Variants in RELN observed in about 807,000 individuals in gnomAD.
RELN encodes the protein reelin.
A neutral mutation model predicts 427.6 loss-of-function variants in RELN; 108 were observed. The observed-to-expected ratio is 0.25, with a 90% CI of 0.22 to 0.30. The LOEUF (loss-of-function observed/expected upper bound fraction) is 0.30. RELN is among the 10% of genes least tolerant of loss of function. RELN has a pLI of 1.00. For missense variants in RELN, 3,715 were observed against 4,302.8 expected, an observed-to-expected ratio of 0.86 and a Z score of 3.82; for synonymous variants, 1,524 against 1,513.4, an observed-to-expected ratio of 1.01 and a Z score of -0.16.
At chr7:103,644,073 T>A (rs924383947) in intron 16 of RELN, among the ~76,000 whole-genome samples, 8 of 151,738 alleles carry the variant, frequency 5.3e-5, no homozygotes, top group Admixed American at 1.3e-4. Context: ...CAAATGACCC[T>A]ACACAGCATA....
chr7:103,872,906 G>A (rs895854127), intron 2 of RELN, among the ~76,000 whole-genome samples: 8 of 151,408 alleles, frequency 5.3e-5, no homozygotes, highest in African/African-American at 1.7e-4. Flanking sequence ...CTTTTTGATG[G>A]GGTTGTTTGT....
chr7:103,723,234 G>A (rs367589254), intron 7 of RELN, 43 bp from the exon 8 acceptor site: 13 of 1,142,236 alleles, frequency 1.1e-5, no homozygotes, highest in African/African-American at 7.6e-5. Context: ...AGACAGAGAG[G>A]AGAAAGAGGA....
intron 8 of RELN, among the ~76,000 whole-genome samples, chr7:103,711,576 A>T (rs1789801837): frequency 6.6e-6 from 1 of 152,214 alleles, no homozygotes; most frequent in Non-Finnish European, 1.5e-5. Context: ...GACTCAATTA[A>T]AATATTTATA....
chr7:103,788,108 T>C (rs1260704770), intron 3 of RELN, among the ~76,000 whole-genome samples: 3 of 152,208 alleles, frequency 2.0e-5, no homozygotes, highest in Non-Finnish European at 4.4e-5. Context: ...TCACAATAGA[T>C]GCAGAAAAGG....
intron 1 of RELN, among the ~76,000 whole-genome samples, chr7:103,970,146 CTT>C (rs564924083): frequency 7.7e-5 from 11 of 142,592 alleles, no homozygotes; most frequent in Non-Finnish European, 9.3e-5. Context: ...TCTTTTTTTC[CTT>C]TTTTTTTTTT....
intron 11 of RELN, among the ~76,000 whole-genome samples, chr7:103,677,053 A>T (rs1010627108): frequency 4.0e-5 from 6 of 151,714 alleles, no homozygotes; most frequent in Admixed American, 6.6e-5. Context: ...AAAATGTGCC[A>T]CATATACACC....
chr7:103,986,933 T>TGA (rs1380367991), intron 1 of RELN, among the ~76,000 whole-genome samples: 1 of 7,426 alleles, frequency 1.3e-4, no homozygotes, highest in African/African-American at 5.1e-3. Context: ...ACAGAAGCTG[T>TGA]GTGTGTGTGT....
intron 11 of RELN, among the ~76,000 whole-genome samples, chr7:103,675,988 C>A (rs2115657260): frequency 6.6e-6 from 1 of 152,244 alleles, no homozygotes; most frequent in South Asian, 2.1e-4. Context: ...GCAAGGACTT[C>A]ATGTCTAAAA....
At chr7:103,551,347 T>G in intron 40 of RELN, 51 bp from the exon 41 acceptor site, 1 of 1,290,226 alleles carries the variant, frequency 7.8e-7, no homozygotes, top group Non-Finnish European at 1.1e-6. Flanking sequence ...CAACAAGCCT[T>G]GAAATGATTC....
intron 4 of RELN, among the ~76,000 whole-genome samples, chr7:103,769,701 C>T (rs1791516317): frequency 6.6e-6 from 1 of 152,334 alleles, no homozygotes; most frequent in Admixed American, 6.5e-5. Context: ...GCAATCCCTT[C>T]TGGGCCTTGG....
At chr7:103,495,200 CAG>C (rs1828802118) in intron 57 of RELN, among the ~76,000 whole-genome samples, 1 of 117,370 alleles carries the variant, frequency 8.5e-6, no homozygotes, top group Non-Finnish European at 1.7e-5. Context: ...TTTTTTGAGA[CAG>C]AATCTCGTTC....
intron 11 of RELN, among the ~76,000 whole-genome samples, 161 bp downstream of exon 11, chr7:103,681,955 G>C (rs1833661232): frequency 6.6e-6 from 1 of 152,166 alleles, no homozygotes. Context: ...TATAAGCTTA[G>C]AATCTTTAGG....
chr7:103,610,646 G>T, intron 22 of RELN, 49 bp downstream of exon 22: 1 of 921,178 alleles, frequency 1.1e-6, no homozygotes. Context: ...TGAATCAAAA[G>T]GGATAGTCAA....
At chr7:103,546,911 CTTCTTT>C (rs1830309287) in intron 41 of RELN, among the ~76,000 whole-genome samples, 1 of 152,174 alleles carries the variant, frequency 6.6e-6, no homozygotes, top group Non-Finnish European at 1.5e-5. Context: ...TATTTCTTAA[CTTCTTT>C]TTAAGTCAAA....
chr7:103,832,183 T>G (rs2116404411), intron 3 of RELN, among the ~76,000 whole-genome samples: 1 of 152,204 alleles, frequency 6.6e-6, no homozygotes, highest in East Asian at 1.9e-4. Context: ...GTGGTAAATT[T>G]TAGAGTACAC....
intron 2 of RELN, among the ~76,000 whole-genome samples, chr7:103,910,373 T>C (rs199518070): frequency 0.23 from 34,342 of 147,140 alleles, 4,860 homozygotes; most frequent in African/African-American, 0.39. Context: ...GACAATTTGA[T>C]TTCCTCTTTT....
At chr7:103,592,873 A>G (rs924145324) in intron 27 of RELN, among the ~76,000 whole-genome samples, 7 of 152,222 alleles carry the variant, frequency 4.6e-5, no homozygotes, top group Non-Finnish European at 7.3e-5. Context: ...GTAGTTTAGC[A>G]TCAGAATCTA....
chr7:103,571,049 A>G (rs1205071267), intron 31 of RELN, among the ~76,000 whole-genome samples: 4 of 152,226 alleles, frequency 2.6e-5, no homozygotes, highest in Non-Finnish European at 5.9e-5. Context: ...GACTTGGATA[A>G]TTACTAGACT....
intron 1 of RELN, among the ~76,000 whole-genome samples, chr7:103,987,074 C>A (rs372482148): frequency 7.4e-3 from 876 of 118,320 alleles, no homozygotes; most frequent in Non-Finnish European, 9.7e-3. Context: ...GAACATTTTA[C>A]AAAAAAAAAA....
Sources: allele counts gnomAD v4.1 joint callset (sites outside exome capture counted in the v4.1 genomes callset), GRCh38; gene constraint gnomAD v4.1.1; transcripts MANE v1.5; gene names NCBI Gene and HGNC (gene_info 2026-07-23, HGNC 2026-07-21).